CDH13: variants seen among roughly 807,000 people sequenced by gnomAD.
The protein encoded by CDH13 is cadherin-13.
In CDH13, 24 loss-of-function variants were observed where a neutral mutation model predicts 63.8. The ratio of observed to expected loss-of-function variants is 0.38; its 90% CI spans 0.27 to 0.53. CDH13 has a LOEUF of 0.53. Ranked by LOEUF, CDH13 falls within the 20% of genes least tolerant of loss-of-function variation. The pLI is 0.85. For missense variants in CDH13, 1,049 were observed against 903.1 expected, an observed-to-expected ratio of 1.16 and a Z score of -2.07; for synonymous variants, 503 against 355.3, an observed-to-expected ratio of 1.42 and a Z score of -4.67.
chr16:83,596,199 C>T (rs1471675385), intron 7 of CDH13, among the ~76,000 whole-genome samples: 1 of 152,164 alleles, frequency 6.6e-6, no homozygotes, highest in Non-Finnish European at 1.5e-5. Context: ...GACAGGGCAG[C>T]TGGACAAGTG....
At chr16:82,723,124 C>T (rs1055555952) in intron 1 of CDH13, 1 of 152,252 alleles carries the variant, frequency 6.6e-6, no homozygotes, top group African/African-American at 2.4e-5. Context: ...ACCTGGGGAA[C>T]AGTCTGGGGA....
At chr16:82,645,907 A>T (rs1910037405) in intron 1 of CDH13, among the ~76,000 whole-genome samples, 2 of 152,262 alleles carry the variant, frequency 1.3e-5, no homozygotes, top group African/African-American at 4.8e-5. Context: ...TGAAGACGAG[A>T]TTGCTGAGTT....
intron 10 of CDH13, among the ~76,000 whole-genome samples, chr16:83,716,793 A>G (rs1248662032): frequency 6.6e-6 from 1 of 152,064 alleles, no homozygotes; most frequent in Non-Finnish European, 1.5e-5. Context: ...GGCCTCTTTA[A>G]TGATTGTTTA....
intron 1 of CDH13, among the ~76,000 whole-genome samples, chr16:82,768,233 G>A (rs751296878): frequency 6.6e-6 from 1 of 152,186 alleles, no homozygotes; most frequent in Non-Finnish European, 1.5e-5. Flanking sequence ...CAGGAATAAA[G>A]TTTCATAAGG....
chr16:82,920,534 C>T (rs541517854), intron 2 of CDH13, among the ~76,000 whole-genome samples: 23 of 152,294 alleles, frequency 1.5e-4, no homozygotes, highest in Admixed American at 1.2e-3. Context: ...GTCACCCCAT[C>T]TGTAAACAGA....
chr16:83,174,122 T>G (rs1415091275), intron 4 of CDH13, among the ~76,000 whole-genome samples: 2 of 152,112 alleles, frequency 1.3e-5, no homozygotes, highest in Non-Finnish European at 2.9e-5. Context: ...GGTATCCCTC[T>G]GCAACATTTC....
At chr16:83,783,132 C>T in intron 12 of CDH13, 122 bp from the exon 13 acceptor site, 1 of 683,154 alleles carries the variant, frequency 1.5e-6, no homozygotes, top group Non-Finnish European at 2.6e-6. Flanking sequence ...TAAATGTAAG[C>T]ATTCGCACAA....
chr16:83,231,718 C>G (rs1413915538), intron 5 of CDH13, among the ~76,000 whole-genome samples: 3 of 152,178 alleles, frequency 2.0e-5, no homozygotes, highest in Non-Finnish European at 4.4e-5. Flanking sequence ...AGGACTTACT[C>G]TGCCCCTCTA....
At chr16:83,143,181 T>G (rs2036609945) in intron 4 of CDH13, among the ~76,000 whole-genome samples, 1 of 152,246 alleles carries the variant, frequency 6.6e-6, no homozygotes, top group Non-Finnish European at 1.5e-5. Flanking sequence ...ACGAATGGTA[T>G]TAATTTTGTG....
chr16:83,783,613 T>C (rs1415778834), intron 13 of CDH13, 141 bp downstream of exon 13: 10 of 741,102 alleles, frequency 1.3e-5, no homozygotes, highest in East Asian at 5.3e-5. Context: ...GTCTGTATGA[T>C]AGAACATGTT....
At chr16:83,655,889 A>T (rs1912826254) in intron 8 of CDH13, among the ~76,000 whole-genome samples, 1 of 152,228 alleles carries the variant, frequency 6.6e-6, no homozygotes, top group East Asian at 1.9e-4. Flanking sequence ...AGGAGGAGTC[A>T]AACACCCCTG....
chr16:83,567,252 G>A (rs1205257766), intron 7 of CDH13, among the ~76,000 whole-genome samples: 1 of 152,138 alleles, frequency 6.6e-6, no homozygotes, highest in East Asian at 1.9e-4. Flanking sequence ...GCCTTCCCTA[G>A]CAATCTGTGA....
At chr16:83,548,235 A>G (rs547509277) in intron 7 of CDH13, among the ~76,000 whole-genome samples, 67 of 152,260 alleles carry the variant, frequency 4.4e-4, no homozygotes, top group African/African-American at 1.6e-3. Flanking sequence ...GGCCTTGGTG[A>G]TGGCTTATTT....
intron 2 of CDH13, among the ~76,000 whole-genome samples, chr16:82,984,132 A>G (rs1389579681): frequency 6.6e-6 from 1 of 152,228 alleles, no homozygotes; most frequent in Non-Finnish European, 1.5e-5. Context: ...CACCCCAAAT[A>G]TTCTAAATTT....
At chr16:83,178,577 A>C (rs1323531123) in intron 4 of CDH13, among the ~76,000 whole-genome samples, 2 of 152,202 alleles carry the variant, frequency 1.3e-5, no homozygotes, top group African/African-American at 4.8e-5. Context: ...TGCTGATTTG[A>C]AATTCAATTT....
intron 8 of CDH13, among the ~76,000 whole-genome samples, chr16:83,633,658 G>A (rs1910980462): frequency 6.6e-6 from 1 of 152,148 alleles, no homozygotes; most frequent in African/African-American, 2.4e-5. Context: ...CATTGGTGGA[G>A]GCTTGGCTTC....
intron 2 of CDH13, among the ~76,000 whole-genome samples, chr16:82,898,863 T>G (rs1287345821): frequency 6.6e-6 from 1 of 152,236 alleles, no homozygotes; most frequent in African/African-American, 2.4e-5. Context: ...GAGCTGCAGT[T>G]TAGCATTTTT....
rs879140257 is a variant in CDH13, at chr16:83,329,635, C to T, written c.637-15227C>T. 7.9e-5 allele frequency among the ~76,000 whole-genome samples: 12 copies of T among 152,066 alleles called. No homozygotes were observed. The East Asian group carries it at 1.9e-3, about 24-fold the overall frequency. On this transcript the variant is annotated intron_variant, in intron 5 of 13. Transcript: ENST00000567109. ...TTCATGCTATTGTGAAACACATCTC[C>T]GGAACCTTTTCATCTTACTCATCTG...
intron 3 of CDH13, among the ~76,000 whole-genome samples, chr16:83,091,166 C>G (rs1048946142): frequency 2.0e-5 from 3 of 151,724 alleles, no homozygotes; most frequent in Non-Finnish European, 4.4e-5. Flanking sequence ...CTCCTTCTTC[C>G]TTTCTCTCTC....
Sources: allele counts gnomAD v4.1 joint callset (sites outside exome capture counted in the v4.1 genomes callset), GRCh38; gene constraint gnomAD v4.1.1; transcripts MANE v1.5; gene names NCBI Gene and HGNC (gene_info 2026-07-23, HGNC 2026-07-21).